The following TMED3 variants were observed in gnomAD, a reference collection of about 807,000 sequenced individuals.
TMED3 encodes transmembrane emp24 domain-containing protein 3.
In TMED3, 9 loss-of-function variants were observed where a neutral mutation model predicts 15.0. The observed-to-expected ratio is 0.60, with a 90% CI of 0.36 to 1.04. TMED3 has a LOEUF of 1.04. Ranked by LOEUF, TMED3 falls within the 50% of genes least tolerant of loss-of-function variation. TMED3 has a pLI of 0.01. For missense variants in TMED3, 267 were observed against 278.9 expected, an observed-to-expected ratio of 0.96 and a Z score of 0.30; for synonymous variants, 117 against 121.4, an observed-to-expected ratio of 0.96 and a Z score of 0.24.
chr15:79,347,596 T>G (rs1457256511), intron 2 of TMED3, among the ~76,000 whole-genome samples: 2 of 152,190 alleles, frequency 1.3e-5, no homozygotes, highest in African/African-American at 4.8e-5. Flanking sequence ...CAAACTATCC[T>G]TGTTTGCAGA....
At chr15:79,346,421 C>A (rs1037042218) in intron 2 of TMED3, among the ~76,000 whole-genome samples, 7 of 152,164 alleles carry the variant, frequency 4.6e-5, no homozygotes, top group African/African-American at 1.7e-4. Context: ...GAATAAGTCT[C>A]ACAAGATCTG....
At chr15:79,323,241 T>A (rs1232252703), downstream of TMED3, among the ~76,000 whole-genome samples, 3 of 152,174 alleles carry the variant, frequency 2.0e-5, no homozygotes, top group African/African-American at 7.2e-5. Context: ...AATGAATGCA[T>A]ACCAATCAGA....
intron 2 of TMED3, among the ~76,000 whole-genome samples, chr15:79,339,307 T>C (rs1377934983): frequency 1.3e-5 from 2 of 152,172 alleles, no homozygotes; most frequent in Non-Finnish European, 2.9e-5. Context: ...TAAATATCAG[T>C]GCAGCCTGGC....
At chr15:79,393,789 G>A (rs1364077139) in intron 2 of TMED3, among the ~76,000 whole-genome samples, 10 of 152,032 alleles carry the variant, frequency 6.6e-5, no homozygotes, top group Non-Finnish European at 8.8e-5. Flanking sequence ...TCTGCCTCCC[G>A]GGCTCAAGCC....
rs533005129 is a variant in TMED3, at chr15:79,371,777, T to TA, written c.418-39623_418-39622insA. ...TTTAGGTTTTACAATAGTGATGTTA[T>TA]CTATAGGAGTAGTTGGGGAAGTTAT... On this transcript the variant is annotated intron_variant, in intron 2 of 2. Transcript: ENST00000424155. Among the ~76,000 whole-genome samples the TA allele has an allele frequency of 1.1e-4, 16 of 152,336 alleles. No homozygotes were observed. The South Asian group carries it at 3.3e-3, about 32-fold the overall frequency.
At chr15:79,344,261 T>C (rs563142721) in intron 2 of TMED3, among the ~76,000 whole-genome samples, 2 of 152,228 alleles carry the variant, frequency 1.3e-5, no homozygotes, top group Admixed American at 6.5e-5. Flanking sequence ...TGTCAAATGC[T>C]GCTGCTGAGA....
chr15:79,410,718 A>C (rs2141261097), intron 2 of TMED3, among the ~76,000 whole-genome samples: 1 of 152,174 alleles, frequency 6.6e-6, no homozygotes, highest in African/African-American at 2.4e-5. Context: ...ATATATATAC[A>C]TTCTCGTAGA....
chr15:79,314,946 G>T (rs2058734470), intron 2 of TMED3, among the ~76,000 whole-genome samples: 1 of 152,196 alleles, frequency 6.6e-6, no homozygotes, highest in African/African-American at 2.4e-5. Context: ...CATAAGGTAG[G>T]GCACAGGAAG....
rs565459999 is a variant in TMED3 at position 79,395,373 on chromosome 15, G to T, written c.418-16027G>T. Reference sequence around the variant, plus strand: ...TTTTTGTATTTTTAGTAGAGACAGGGTTTCATCATATTGGCCAGGCTGGTC... The same window carrying T: ...TTTTTGTATTTTTAGTAGAGACAGGTTTTCATCATATTGGCCAGGCTGGTC... On this transcript the variant is annotated intron_variant, in intron 2 of 2. Transcript: ENST00000424155. Among the ~76,000 whole-genome samples the T allele has an allele frequency of 6.0e-4, 91 of 152,178 alleles. 1 individual carries two copies. The highest frequency in any genetic ancestry group is 6.6e-4 in the Non-Finnish European group (45 of 68,002).
intron 2 of TMED3, among the ~76,000 whole-genome samples, chr15:79,317,873 C>T (rs8033304): frequency 0.63 from 95,486 of 152,114 alleles, 30,185 homozygotes; most frequent in East Asian, 0.81. Flanking sequence ...TAAACTGGTT[C>T]GCATACATCC....
At chr15:79,318,552 G>T (rs901581269) in intron 2 of TMED3, among the ~76,000 whole-genome samples, 1 of 152,150 alleles carries the variant, frequency 6.6e-6, no homozygotes, top group Non-Finnish European at 1.5e-5. Flanking sequence ...AATACAGAAC[G>T]GATTTGTGTT....
At chr15:79,398,397 A>C (rs1244241323) in intron 2 of TMED3, among the ~76,000 whole-genome samples, 1 of 151,794 alleles carries the variant, frequency 6.6e-6, no homozygotes, top group Non-Finnish European at 1.5e-5. Context: ...TCCTGGACTC[A>C]AGTGATCTGC....
At chr15:79,397,115 C>T (rs1320938142) in intron 2 of TMED3, among the ~76,000 whole-genome samples, 1 of 152,210 alleles carries the variant, frequency 6.6e-6, no homozygotes, top group Non-Finnish European at 1.5e-5. Context: ...TTCTCATTTG[C>T]TGCTTAGCAC....
At chr15:79,378,984 G>A (rs1467981761) in intron 2 of TMED3, among the ~76,000 whole-genome samples, 1 of 152,144 alleles carries the variant, frequency 6.6e-6, no homozygotes, top group African/African-American at 2.4e-5. Context: ...ACGTAATTAG[G>A]TCTTTCTGCA....
At chr15:79,345,140 T>G (rs141170963) in intron 2 of TMED3, among the ~76,000 whole-genome samples, 1,850 of 152,176 alleles carry the variant, frequency 0.012, 82 homozygotes, top group East Asian at 0.11. Flanking sequence ...TTTTAAAAAT[T>G]TATTTACTTT....
chr15:79,356,087 C>T (rs2058917780), intron 2 of TMED3, among the ~76,000 whole-genome samples: 1 of 152,090 alleles, frequency 6.6e-6, no homozygotes, highest in African/African-American at 2.4e-5. Context: ...TCTGTTTGCC[C>T]AGCTCCCAGC....
rs2058773683 is a variant in TMED3, at chr15:79,322,807, A to G, written c.*593A>G. ...TTCCTAGGAGGTAGAAAACTGTGGG[A>G]AACTGTGGCTAATAAAAACTAAGTG... On this transcript the variant is annotated 3_prime_UTR_variant, in exon 3 of 3. Coordinates refer to ENST00000299705, the MANE Select transcript of TMED3 (RefSeq NM_007364.4). 1.0e-6 allele frequency: 1 copy of G among 985,536 alleles called. No individual in the cohort carries two copies. The highest frequency in any genetic ancestry group is 1.1e-4 in the East Asian group (1 of 8,794). The allele number at this position is 985,536 out of a possible 1,614,324, so 61.0% of individuals were successfully genotyped here. A position where few individuals can be genotyped will look rare whatever the true frequency, so the allele number is the denominator to read the frequency against.
chr15:79,380,588 T>G lies in TMED3; in HGVS notation c.418-30812T>G, dbSNP rs534266342. Among the ~76,000 whole-genome samples the G allele has an allele frequency of 3.7e-3, 522 of 139,346 alleles. 3 individuals are homozygous for G. The highest frequency in any genetic ancestry group is 0.015 in the South Asian group (65 of 4,468). 91.4% of individuals were successfully genotyped at this position (139,346 alleles called of 152,430 possible). On this transcript the variant is annotated intron_variant, in intron 2 of 2. Coordinates refer to the TMED3 transcript ENST00000424155. Reference sequence around the variant, plus strand: ...AGTTACATATATATAGTTTTATATATATATATATATATAGAGAGAGAGAGG... The same window carrying G: ...AGTTACATATATATAGTTTTATATAGATATATATATATAGAGAGAGAGAGG...
chr15:79,355,577 G>A (rs1038694466), intron 2 of TMED3, among the ~76,000 whole-genome samples: 10 of 152,156 alleles, frequency 6.6e-5, no homozygotes, highest in African/African-American at 2.4e-4. Context: ...CCAGTTGTCC[G>A]ACATGGCTTC....
Sources: allele counts gnomAD v4.1 joint callset (sites outside exome capture counted in the v4.1 genomes callset), GRCh38; gene constraint gnomAD v4.1.1; transcripts MANE v1.5; gene names NCBI Gene and HGNC (gene_info 2026-07-23, HGNC 2026-07-21).